The following PRKG1 variants were observed in gnomAD, a reference collection of about 807,000 sequenced individuals.
PRKG1 encodes the protein cGMP-dependent protein kinase 1.
In PRKG1, 35 loss-of-function variants were observed where a neutral mutation model predicts 88.1. That is an observed-to-expected ratio of 0.40 (90% CI 0.30 to 0.53). The LOEUF (loss-of-function observed/expected upper bound fraction) is 0.53. PRKG1 is among the 20% of genes least tolerant of loss of function. The pLI is 0.59. For synonymous variants in PRKG1, 303 were observed against 292.5 expected, an observed-to-expected ratio of 1.04 and a Z score of -0.37; for missense variants, 540 against 839.8, an observed-to-expected ratio of 0.64 and a Z score of 4.41.
chr10:51,370,786 T>C (rs1193551057), intron 2 of PRKG1, among the ~76,000 whole-genome samples: 1 of 152,186 alleles, frequency 6.6e-6, no homozygotes, highest in East Asian at 1.9e-4. Context: ...GTATTTTACA[T>C]GAGGTTTTTT....
intron 3 of PRKG1, among the ~76,000 whole-genome samples, chr10:51,577,064 CACTT>C (rs1482381785): frequency 1.3e-5 from 2 of 152,076 alleles, no homozygotes; most frequent in East Asian, 1.9e-4. Context: ...TTAAGGTAAT[CACTT>C]ACCATTTCTG....
intron 5 of PRKG1, among the ~76,000 whole-genome samples, chr10:52,024,466 C>T (rs1845280177): frequency 2.6e-5 from 4 of 152,040 alleles, no homozygotes; most frequent in Admixed American, 1.3e-4. Flanking sequence ...TCTCCTAATG[C>T]TATCCCTCCC....
chr10:51,430,142 G>A (rs940829720), intron 2 of PRKG1, among the ~76,000 whole-genome samples: 20 of 150,472 alleles, frequency 1.3e-4, no homozygotes, highest in South Asian at 2.1e-4. Flanking sequence ...AAAGCCAGGC[G>A]TGGTGGCTCA....
At chr10:51,526,171 C>T (rs1049610722) in intron 3 of PRKG1, among the ~76,000 whole-genome samples, 1 of 151,886 alleles carries the variant, frequency 6.6e-6, no homozygotes, top group African/African-American at 2.4e-5. Context: ...TTGAGGGGTG[C>T]TATAAGAAAA....
At chr10:51,492,397 A>G (rs897768834) in intron 3 of PRKG1, among the ~76,000 whole-genome samples, 1 of 152,184 alleles carries the variant, frequency 6.6e-6, no homozygotes, top group African/African-American at 2.4e-5. Context: ...TATTTGCATT[A>G]GGTGTTGAGG....
intron 2 of PRKG1, among the ~76,000 whole-genome samples, chr10:51,172,515 C>G (rs1330746682): frequency 1.3e-5 from 2 of 151,850 alleles, no homozygotes; most frequent in Non-Finnish European, 2.9e-5. Context: ...AGGAAAGTAC[C>G]TACTTTTTAA....
intron 3 of PRKG1, among the ~76,000 whole-genome samples, chr10:51,565,498 C>T (rs1349127332): frequency 6.6e-6 from 1 of 152,040 alleles, no homozygotes; most frequent in African/African-American, 2.4e-5. Flanking sequence ...CAAGTGCCAT[C>T]CTGTTCATGC....
chr10:52,237,355 A>G (rs1840714975), intron 9 of PRKG1, among the ~76,000 whole-genome samples: 1 of 138,132 alleles, frequency 7.2e-6, no homozygotes, highest in Admixed American at 7.2e-5. Flanking sequence ...AGGGTATTCA[A>G]TTAGGAAAAG....
intron 3 of PRKG1, among the ~76,000 whole-genome samples, chr10:51,735,248 G>C (rs551782086): frequency 2.6e-5 from 4 of 152,304 alleles, no homozygotes; most frequent in Admixed American, 6.5e-5. Context: ...ATGTGGAGAA[G>C]TGAAAATTCC....
At chr10:51,875,310 GAA>G (rs36009989) in intron 4 of PRKG1, among the ~76,000 whole-genome samples, 11,383 of 144,194 alleles carry the variant, frequency 0.079, 697 homozygotes, top group African/African-American at 0.16. Flanking sequence ...AAGCTTTAAT[GAA>G]AAAAAAAAAA....
rs370314985 is a variant in PRKG1, at chr10:51,907,499, T to C, written c.699-8T>C. 5 of 1,611,692 alleles carry C rather than the reference T, an allele frequency of 3.1e-6. No individual in the cohort carries two copies. In the African/African-American group the frequency reaches 5.3e-5, roughly 17 times the overall value. ...ATGTGTTCAGCACTATTCTGTTTTG[T>C]TTTTCAGCGTTCCAACATTCCAGAG... On this transcript the variant is annotated splice_polypyrimidine_tract_variant and splice_region_variant and intron_variant, in intron 4 of 17. Transcript: ENST00000373980.
intron 2 of PRKG1, among the ~76,000 whole-genome samples, chr10:51,348,736 C>T (rs1842170343): frequency 6.6e-6 from 1 of 152,156 alleles, no homozygotes; most frequent in Non-Finnish European, 1.5e-5. Context: ...ACTGCACTTA[C>T]CTCTAACATT....
At chr10:51,272,506 T>A (rs766688690) in intron 2 of PRKG1, among the ~76,000 whole-genome samples, 1 of 123,502 alleles carries the variant, frequency 8.1e-6, no homozygotes, top group Non-Finnish European at 1.7e-5. Flanking sequence ...AAAGTTTTGT[T>A]TTTTTTTTTA....
At chr10:51,248,163 GA>G (rs1241579894) in intron 2 of PRKG1, among the ~76,000 whole-genome samples, 1 of 151,826 alleles carries the variant, frequency 6.6e-6, no homozygotes, top group African/African-American at 2.4e-5. Context: ...GGTTGCTCTT[GA>G]AAATGTTCTC....
intron 2 of PRKG1, among the ~76,000 whole-genome samples, chr10:51,393,313 A>C (rs540654884): frequency 1.4e-5 from 2 of 138,970 alleles, no homozygotes; most frequent in Admixed American, 7.0e-5. Flanking sequence ...GGCGGCCGGG[A>C]AGAGGCGCTC....
intron 7 of PRKG1, among the ~76,000 whole-genome samples, chr10:52,108,838 T>C (rs1240656368): frequency 6.7e-6 from 1 of 149,712 alleles, no homozygotes; most frequent in African/African-American, 2.5e-5. Flanking sequence ...TTTTTTTTTT[T>C]TTTTTTGAGA....
chr10:52,097,881 C>A (rs770966675), intron 7 of PRKG1, among the ~76,000 whole-genome samples: 14 of 151,904 alleles, frequency 9.2e-5, no homozygotes, highest in Non-Finnish European at 8.8e-5. Flanking sequence ...CATTATAGGG[C>A]ATAATGCTTT....
intron 2 of PRKG1, among the ~76,000 whole-genome samples, chr10:51,287,668 G>C (rs1840477471): frequency 6.6e-6 from 1 of 152,166 alleles, no homozygotes; most frequent in Non-Finnish European, 1.5e-5. Context: ...TCAGGGAAAG[G>C]TTTTCTGGGA....
chr10:51,064,727 T>C (rs1460616376), intron 1 of PRKG1, among the ~76,000 whole-genome samples: 2 of 152,082 alleles, frequency 1.3e-5, no homozygotes, highest in East Asian at 3.8e-4. Context: ...ACAAACCATA[T>C]ATTCCTGTCT....
Sources: gnomAD v4.1 joint callset for allele counts (sites outside exome capture counted in the v4.1 genomes callset) on GRCh38, gnomAD v4.1.1 for gene constraint, MANE v1.5 for transcripts, NCBI Gene and HGNC (gene_info 2026-07-23, HGNC 2026-07-21) for gene names.